The following ADGRL2 variants were observed in gnomAD, a reference collection of about 807,000 sequenced individuals.
ADGRL2 encodes the protein adhesion G protein-coupled receptor L2, also known as calcium-independent alpha-latrotoxin receptor 2.
Under a neutral mutation model 157.4 loss-of-function variants are expected in ADGRL2, and 44 were observed. The ratio of observed to expected loss-of-function variants is 0.28; its 90% confidence interval spans 0.22 to 0.36. The LOEUF (loss-of-function observed/expected upper bound fraction) is 0.36. ADGRL2 is among the 10% of genes least tolerant of loss of function. The pLI, the probability that ADGRL2 is intolerant of heterozygous loss-of-function variation, is 1.00. For synonymous variants in ADGRL2, 585 were observed against 624.7 expected (o/e 0.94, Z 0.95); for missense variants, 1,510 against 1,768.9 (o/e 0.85, Z 2.63).
Position 81,734,627 on chromosome 1 carries a change from T to C in ADGRL2, c.-142-27184T>C, listed in dbSNP as rs1021221620. 1.2e-4 allele frequency among the ~76,000 whole-genome samples: 17 copies of C among 147,680 alleles called. 1 individual carries two copies. Among genetic ancestry groups the C allele is most frequent in the Admixed American group, 3.4e-4 (5 of 14,788 alleles). ...AGGAAACGAATACAGTTATTGGTACTGGAAAATAATAAACACACCTACCAC... is the reference window on the plus strand; with the variant it reads ...AGGAAACGAATACAGTTATTGGTACCGGAAAATAATAAACACACCTACCAC... On this transcript the variant is annotated intron_variant, in intron 1 of 20. Coordinates refer to the ADGRL2 transcript ENST00000359929.
intron 3 of ADGRL2, among the ~76,000 whole-genome samples, chr1:81,646,779 T>A (rs1018981132): frequency 6.6e-6 from 1 of 152,192 alleles, no homozygotes; most frequent in Non-Finnish European, 1.5e-5. Flanking sequence ...CCAGGATTCA[T>A]TTTGAAGAAA....
chr1:81,376,818 T>C (rs2101022898), intron 1 of ADGRL2, among the ~76,000 whole-genome samples: 1 of 152,230 alleles, frequency 6.6e-6, no homozygotes, highest in South Asian at 2.1e-4. Context: ...AGCTAGTGTG[T>C]TCAGGCAGGG....
At chr1:81,652,268 A>G (rs747442283) in intron 3 of ADGRL2, among the ~76,000 whole-genome samples, 2 of 152,204 alleles carry the variant, frequency 1.3e-5, no homozygotes, top group African/African-American at 4.8e-5. Context: ...ATTTAATTCT[A>G]TATCTCTGAA....
chr1:81,865,390 C>G (rs2093510971), intron 2 of ADGRL2, among the ~76,000 whole-genome samples: 1 of 152,130 alleles, frequency 6.6e-6, no homozygotes, highest in South Asian at 2.1e-4. Flanking sequence ...TACATCGAAG[C>G]TATTTTTTGT....
At chr1:81,465,236 G>T (rs1413999000) in intron 2 of ADGRL2, among the ~76,000 whole-genome samples, 6 of 152,160 alleles carry the variant, frequency 3.9e-5, no homozygotes, top group Admixed American at 3.9e-4. Context: ...CTATTCAGCA[G>T]TGTCAACTCA....
At chr1:81,583,442 T>C (rs2080959020) in intron 3 of ADGRL2, among the ~76,000 whole-genome samples, 1 of 152,128 alleles carries the variant, frequency 6.6e-6, no homozygotes, top group South Asian at 2.1e-4. Context: ...AAACTGGCTA[T>C]AATTTTCCCT....
intron 2 of ADGRL2, among the ~76,000 whole-genome samples, chr1:81,466,916 G>A (rs2078067581): frequency 6.6e-6 from 1 of 151,904 alleles, no homozygotes; most frequent in East Asian, 1.9e-4. Flanking sequence ...AACTGAAGAG[G>A]TAATCAATCA....
chr1:81,341,341 C>A (rs907605591), intron 1 of ADGRL2, among the ~76,000 whole-genome samples: 1 of 151,924 alleles, frequency 6.6e-6, no homozygotes, highest in Non-Finnish European at 1.5e-5. Flanking sequence ...AAGAGAAAGG[C>A]CTCTAGATTT....
At chr1:81,816,305 A>G (rs2090398903) in intron 1 of ADGRL2, among the ~76,000 whole-genome samples, 1 of 151,880 alleles carries the variant, frequency 6.6e-6, no homozygotes, top group Non-Finnish European at 1.5e-5. Context: ...ATGTATGTAT[A>G]AAATTGATGT....
Position 81,993,087 on chromosome 1 carries a change from A to ATATATATATATATT in ADGRL2, c.*1943_*1944insATATATATATATTT, listed in dbSNP as rs1441283966. Among the ~76,000 whole-genome samples, 3 of 29,198 alleles carry ATATATATATATATT rather than the reference A, an allele frequency of 1.0e-4. No individual in the cohort carries two copies. The highest frequency in any genetic ancestry group is 1.7e-4 in the African/African-American group (1 of 5,762). 19.2% of individuals were successfully genotyped at this position (29,198 alleles called of 152,430 possible). On this transcript the variant is annotated 3_prime_UTR_variant, in exon 24 of 24. Transcript: ENST00000686636. ...TATATATATATATATATATATATAT[A>ATATATATATATATT]TTTTTTTTTTTTTTTTTTTTTTTTT...
intron 1 of ADGRL2, among the ~76,000 whole-genome samples, chr1:81,322,950 T>A (rs1470850891): frequency 1.3e-5 from 2 of 151,262 alleles, no homozygotes; most frequent in Non-Finnish European, 2.9e-5. Flanking sequence ...CTCCCACTCT[T>A]TGGTTCAAGC....
At chr1:81,896,642 G>T (rs1166467918) in intron 2 of ADGRL2, among the ~76,000 whole-genome samples, 2 of 151,992 alleles carry the variant, frequency 1.3e-5, no homozygotes, top group East Asian at 3.9e-4. Context: ...ATGTTCTTGA[G>T]TATGTTTAAC....
chr1:81,955,170 TTTCTC>T (rs1653094398), intron 10 of ADGRL2, among the ~76,000 whole-genome samples: 2 of 152,334 alleles, frequency 1.3e-5, no homozygotes, highest in South Asian at 4.1e-4. Flanking sequence ...ACTTTCCTGT[TTTCTC>T]TAACTTATCA....
chr1:81,738,861 C>G (rs2084984034), intron 1 of ADGRL2, among the ~76,000 whole-genome samples: 1 of 152,210 alleles, frequency 6.6e-6, no homozygotes, highest in Non-Finnish European at 1.5e-5. Flanking sequence ...GTGATCATTT[C>G]TCTGGATTCT....
chr1:81,700,374 G>A (rs1191860835), intron 1 of ADGRL2, among the ~76,000 whole-genome samples: 1 of 152,082 alleles, frequency 6.6e-6, no homozygotes, highest in Non-Finnish European at 1.5e-5. Context: ...TGTTTGATAA[G>A]GATTCAAAAA....
At chr1:81,639,020 C>T (rs912862462) in intron 3 of ADGRL2, among the ~76,000 whole-genome samples, 11 of 152,048 alleles carry the variant, frequency 7.2e-5, no homozygotes, top group Admixed American at 7.2e-4. Context: ...AGAAAAGCAG[C>T]AAGACCCAAG....
chr1:81,669,884 A>T (rs1018518492), intron 3 of ADGRL2, among the ~76,000 whole-genome samples: 1 of 147,640 alleles, frequency 6.8e-6, no homozygotes, highest in Non-Finnish European at 1.5e-5. Flanking sequence ...CGGAGCTTGC[A>T]GTGAGTCGAG....
intron 1 of ADGRL2, among the ~76,000 whole-genome samples, chr1:81,391,327 C>T (rs1355007471): frequency 6.6e-6 from 1 of 152,306 alleles, no homozygotes; most frequent in Non-Finnish European, 1.5e-5. Context: ...GCAGCAAGTG[C>T]TGGCATAGAA....
chr1:81,819,286 C>A (rs1365499631), intron 1 of ADGRL2, among the ~76,000 whole-genome samples: 2 of 151,926 alleles, frequency 1.3e-5, no homozygotes, highest in Non-Finnish European at 2.9e-5. Context: ...AAAGGAGGAG[C>A]AAAGAATCAA....
Sources: gnomAD v4.1 joint callset for allele counts (sites outside exome capture counted in the v4.1 genomes callset) on GRCh38, gnomAD v4.1.1 for gene constraint, MANE v1.5 for transcripts, NCBI Gene and HGNC (gene_info 2026-07-23, HGNC 2026-07-21) for gene names.